RMC1: variants seen among roughly 807,000 people sequenced by gnomAD.
RMC1 encodes the protein regulator of MON1-CCZ1 complex.
A neutral mutation model predicts 95.5 loss-of-function variants in RMC1; 44 were observed. The ratio of observed to expected loss-of-function variants is 0.46; its 90% CI spans 0.36 to 0.59. RMC1 has a LOEUF of 0.59. RMC1 is among the 20% of genes least tolerant of loss of function. The pLI, the probability that RMC1 is intolerant of heterozygous loss-of-function variation, is 0.00. For missense variants in RMC1, 705 were observed against 819.6 expected, an observed-to-expected ratio of 0.86 and a Z score of 1.71; for synonymous variants, 320 against 303.6, an observed-to-expected ratio of 1.05 and a Z score of -0.56.
chr18:23,507,785 T>A lies in RMC1; in HGVS notation c.265-200T>A, dbSNP rs2276259. ...AATATTTGTATTAACTTAAAAAAAA[T>A]TGAATCGTAAGCCTGCTGCTGTTGA... On this transcript the variant is annotated intron_variant, in intron 3 of 19. Coordinates refer to ENST00000269221, the MANE Select transcript of RMC1 (RefSeq NM_013326.5). 6.6e-5 allele frequency among the ~76,000 whole-genome samples: 10 copies of A among 152,322 alleles called. No homozygotes were observed. In the East Asian group the frequency reaches 1.9e-3, roughly 29 times the overall value.
rs747025423 is a variant in RMC1, at chr18:23,518,952, C to T, written c.716C>T (p.Ala239Val). ...HHSRTSNSTGAEVVLYHLPRE... is the reference protein window; with the variant it reads ...HHSRTSNSTGVEVVLYHLPRE... ...TCTCGGACCTCCAACAGCACAGGAGCGGAGGTGGTCCTCTATCATCTACCA... is the reference window on the plus strand; with the variant it reads ...TCTCGGACCTCCAACAGCACAGGAGTGGAGGTGGTCCTCTATCATCTACCA... The change falls in exon 8 of 20, where the codon GCG (alanine) becomes GTG (valine). Residue 239 changes from alanine (A) to valine (V), a missense_variant. By Grantham distance (64) the Ala-to-Val change is moderately conservative. Coordinates refer to ENST00000269221, the MANE Select transcript of RMC1 (RefSeq NM_013326.5). 8.1e-6 allele frequency: 13 copies of T among 1,614,008 alleles called. No homozygotes were observed. The highest frequency in any genetic ancestry group is 3.3e-5 in the Admixed American group (2 of 59,988).
intron 3 of RMC1, 145 bp from the exon 4 acceptor site, chr18:23,507,840 T>C: frequency 1.8e-6 from 1 of 563,302 alleles, no homozygotes. Context: ...TCTTTTTATC[T>C]TTCCTGTGTT....
At chr18:23,520,419 G>C (rs2058113016) in intron 10 of RMC1, 106 bp downstream of exon 10, 1 of 914,608 alleles carries the variant, frequency 1.1e-6, no homozygotes, top group Non-Finnish European at 1.7e-6. Context: ...GGAATAAACA[G>C]AGATTCCCAG....
chr18:23,524,097 G>A, intron 10 of RMC1, 33 bp from the exon 11 acceptor site: 1 of 1,612,274 alleles, frequency 6.2e-7, no homozygotes, highest in Non-Finnish European at 8.5e-7. Flanking sequence ...TTTTCTGACT[G>A]CATCGTTGCA....
Position 23,503,607 on chromosome 18 carries a change from G to T in RMC1, c.-12G>T. 2 of 1,542,180 alleles carry T rather than the reference G, an allele frequency of 1.3e-6. No individual in the cohort carries two copies. Among genetic ancestry groups the T allele is most frequent in the South Asian group, 2.4e-5 (2 of 84,928 alleles). ...CGCCCCCGGGGCCCCCGCCGCGGGC[G>T]CGGCGCCCGCCATGGGCGAGGAGGA... On this transcript the variant is annotated 5_prime_UTR_variant, in exon 1 of 20. Transcript: ENST00000269221.
At chr18:23,527,728 AC>A (rs1285626298) in intron 13 of RMC1, 66 bp from the exon 14 acceptor site, 2 of 1,231,028 alleles carry the variant, frequency 1.6e-6, no homozygotes, top group Non-Finnish European at 2.4e-6. Flanking sequence ...TATCATAGCA[AC>A]GTGTGGAAAT....
intron 10 of RMC1, among the ~76,000 whole-genome samples, chr18:23,521,057 G>T (rs1972093546): frequency 6.6e-6 from 1 of 152,064 alleles, no homozygotes; most frequent in African/African-American, 2.4e-5. Flanking sequence ...GTTTCACCAT[G>T]TTGGCCAGAC....
intron 3 of RMC1, among the ~76,000 whole-genome samples, chr18:23,507,329 G>A (rs1033970250): frequency 2.0e-5 from 3 of 151,988 alleles, no homozygotes; most frequent in East Asian, 1.9e-4. Context: ...ATGTGATCTC[G>A]GCTCACTGCA....
chr18:23,516,582 T>C (rs768338294), intron 7 of RMC1, among the ~76,000 whole-genome samples, 159 bp downstream of exon 7: 2 of 152,222 alleles, frequency 1.3e-5, no homozygotes, highest in Non-Finnish European at 2.9e-5. Context: ...CCTGTGAACA[T>C]AGAAAACCTG....
At chr18:23,521,448 G>T (rs1042929232) in intron 10 of RMC1, among the ~76,000 whole-genome samples, 2 of 152,194 alleles carry the variant, frequency 1.3e-5, no homozygotes, top group Non-Finnish European at 1.5e-5. Flanking sequence ...CACATTCCGT[G>T]TGACAGTGAT....
chr18:23,531,502 G>C, intron 19 of RMC1, 123 bp from the exon 20 acceptor site: 2 of 1,481,584 alleles, frequency 1.3e-6, no homozygotes, highest in South Asian at 2.9e-5. Flanking sequence ...CCAAAACTTA[G>C]GAAAACAATG....
intron 5 of RMC1, among the ~76,000 whole-genome samples, chr18:23,514,030 T>C (rs989870024): frequency 6.6e-6 from 1 of 152,238 alleles, no homozygotes; most frequent in Admixed American, 6.5e-5. Flanking sequence ...TTTTCATCTG[T>C]TCCAGCTTCC....
intron 5 of RMC1, among the ~76,000 whole-genome samples, chr18:23,509,889 C>T (rs546701885): frequency 5.4e-5 from 8 of 148,080 alleles, no homozygotes; most frequent in African/African-American, 2.0e-4. Context: ...TTTGTAGAGA[C>T]GAAGTCTTGC....
In RMC1 at chr18:23,503,531, C is replaced by G; in HGVS notation, c.-88C>G. The stretch of plus-strand genomic sequence containing the variant: ...GGCCCAGAGCCGCAGCCGCAGCCGC[C>G]GCTACAGTCCGGGCCGGGCTCCACC... On this transcript the variant is annotated 5_prime_UTR_variant, in exon 1 of 20. Transcript: ENST00000269221. 2.3e-6 allele frequency: 2 copies of G among 880,220 alleles called. No individual in the cohort carries two copies. The highest frequency in any genetic ancestry group is 1.8e-5 in the African/African-American group (1 of 55,608). 54.5% of individuals were successfully genotyped at this position (880,220 alleles called of 1,614,324 possible).
Position 23,516,203 on chromosome 18 carries a change from C to T in RMC1, c.550-117C>T, listed in dbSNP as rs189205512. On this transcript the variant is annotated intron_variant, in intron 6 of 19. Transcript: ENST00000269221. Reference sequence around the variant, plus strand: ...ACAGGCTGTGAGAGGACATGGGGGACGGTGGAAAGGATCCAAAGACGAAGT... The same window carrying T: ...ACAGGCTGTGAGAGGACATGGGGGATGGTGGAAAGGATCCAAAGACGAAGT... 268 of 1,359,506 alleles carry T rather than the reference C, an allele frequency of 2.0e-4. 1 individual carries two copies. The East Asian group carries it at 5.1e-3, about 26-fold the overall frequency. The allele number at this position is 1,359,506 out of a possible 1,614,324, so 84.2% of individuals were successfully genotyped here. A position where few individuals can be genotyped will look rare whatever the true frequency, so the allele number is the denominator to read the frequency against.
chr18:23,530,783 T>C (rs1367503757), intron 19 of RMC1, among the ~76,000 whole-genome samples, 171 bp downstream of exon 19: 7 of 152,198 alleles, frequency 4.6e-5, no homozygotes, highest in Admixed American at 4.6e-4. Context: ...TTCAGTATAC[T>C]GACAGAATCT....
chr18:23,503,849 C>T, intron 1 of RMC1, 129 bp downstream of exon 1: 1 of 759,256 alleles, frequency 1.3e-6, no homozygotes, highest in Non-Finnish European at 1.9e-6. Flanking sequence ...GCGCGGGAGG[C>T]GGCGCGCGCT....
intron 5 of RMC1, among the ~76,000 whole-genome samples, chr18:23,511,412 A>T (rs1368800750): frequency 6.6e-6 from 1 of 152,250 alleles, no homozygotes; most frequent in African/African-American, 2.4e-5. Context: ...AATCTGTACC[A>T]CAAACCCCGT....
rs764440148 is a variant in RMC1, at chr18:23,515,930, C to G, written c.483C>G (p.Pro161=). ...NLNVNWYMYC[P]ESAVILLSTT... is the part of the protein sequence containing the mutation. ...ATGTGAATTGGTACATGTACTGCCC[C>G]GAGAGCGCCGTGATCTTGCTGTCTA... is the stretch of plus-strand genomic sequence containing the variant. Residue 161 remains proline (P), a synonymous_variant, in exon 6 of 20, where the codon CCC becomes CCG. Transcript: ENST00000269221. 1 of 1,614,002 alleles carries G rather than the reference C, an allele frequency of 6.2e-7. No individual in the cohort carries two copies. The highest frequency in any genetic ancestry group is 8.5e-7 in the Non-Finnish European group (1 of 1,180,030).
Sources: gnomAD v4.1 joint callset for allele counts (sites outside exome capture counted in the v4.1 genomes callset) on GRCh38, gnomAD v4.1.1 for gene constraint, MANE v1.5 for transcripts, NCBI Gene and HGNC (gene_info 2026-07-23, HGNC 2026-07-21) for gene names.